GRIN2A: variants seen among roughly 807,000 people sequenced by gnomAD.
GRIN2A encodes the protein glutamate ionotropic receptor NMDA type subunit 2A, also known as glutamate receptor ionotropic, NMDA 2A.
Under a neutral mutation model 113.4 loss-of-function variants are expected in GRIN2A, and 22 were observed. The ratio of observed to expected loss-of-function variants is 0.19; its 90% CI spans 0.14 to 0.28. The LOEUF (loss-of-function observed/expected upper bound fraction) is 0.28, where lower values mean the gene tolerates loss of function less well. Ranked by LOEUF, GRIN2A falls within the 10% of genes least tolerant of loss-of-function variation. The pLI is 1.00. For synonymous variants in GRIN2A, 827 were observed against 738.4 expected (o/e 1.12, Z -1.94); for missense variants, 1,502 against 1,887.0 (o/e 0.80, Z 3.78).
rs760514539 is a variant in GRIN2A, at chr16:9,852,041, T to C, written c.1123-2080A>G. 4.3e-4 allele frequency among the ~76,000 whole-genome samples: 65 copies of C among 152,240 alleles called. 1 individual carries two copies. Among genetic ancestry groups the C allele is most frequent in the Non-Finnish European group, 8.8e-4 (60 of 68,036 alleles). On this transcript the variant is annotated intron_variant, in intron 4 of 12. Transcript: ENST00000330684. Reference sequence around the variant, plus strand: ...GTAGCATTTTATATTATAACCTCAATGACATAACTTTTGAGCACTCCTGTA... The same window carrying C: ...GTAGCATTTTATATTATAACCTCAACGACATAACTTTTGAGCACTCCTGTA...
At chr16:10,109,646 A>T (rs2048572339) in intron 2 of GRIN2A, among the ~76,000 whole-genome samples, 2 of 151,878 alleles carry the variant, frequency 1.3e-5, no homozygotes, top group South Asian at 2.1e-4. Flanking sequence ...AAAAAAAAAA[A>T]TAGGAAGAAT....
rs1050674263 is a variant in GRIN2A, at chr16:10,180,546, C to G, written c.-18-117G>C. ...GCATGGAACTCAGCAGCAGGATAGG[C>G]TGCTGGGATCACGGACTCCATTCCG... On this transcript the variant is annotated intron_variant, in intron 1 of 12. Coordinates refer to ENST00000330684, the MANE Select transcript of GRIN2A (RefSeq NM_001134407.3). The surrounding 1 kb of genome is among the most constrained non-coding windows in gnomAD (Gnocchi z 7.0). The G allele has an allele frequency of 2.8e-4, 414 of 1,502,142 alleles. No individual in the cohort carries two copies. Among genetic ancestry groups the G allele is most frequent in the Non-Finnish European group, 3.4e-4 (381 of 1,130,720 alleles). 93.1% of individuals were successfully genotyped at this position (1,502,142 alleles called of 1,614,324 possible). A position where few individuals can be genotyped will look rare whatever the true frequency, so the allele number is the denominator to read the frequency against.
chr16:10,072,831 C>T (rs1326849771), intron 2 of GRIN2A, among the ~76,000 whole-genome samples: 2 of 151,620 alleles, frequency 1.3e-5, no homozygotes, highest in Non-Finnish European at 2.9e-5. Context: ...GTTTGGGACA[C>T]TAGAGAATAG....
At chr16:10,024,122 T>A (rs1261694768) in intron 2 of GRIN2A, among the ~76,000 whole-genome samples, 1 of 152,224 alleles carries the variant, frequency 6.6e-6, no homozygotes, top group African/African-American at 2.4e-5. Flanking sequence ...AGGGCTCAAA[T>A]CGAGCCCATG....
At chr16:9,824,207 C>G (rs1231708395) in intron 9 of GRIN2A, among the ~76,000 whole-genome samples, 1 of 152,178 alleles carries the variant, frequency 6.6e-6, no homozygotes, top group Non-Finnish European at 1.5e-5. Flanking sequence ...CCAGGGTGTG[C>G]CTTGCCCTGG....
intron 2 of GRIN2A, among the ~76,000 whole-genome samples, chr16:10,062,386 C>T (rs186552527): frequency 8.7e-4 from 132 of 152,286 alleles, no homozygotes; most frequent in African/African-American, 2.9e-3. Context: ...CATGCCCTGA[C>T]CTATGTCACT....
intron 2 of GRIN2A, among the ~76,000 whole-genome samples, chr16:9,956,804 G>C (rs2045321966): frequency 1.3e-5 from 2 of 152,158 alleles, no homozygotes; most frequent in East Asian, 3.9e-4. Flanking sequence ...TGCTGGAGTA[G>C]GGGTTATCTA....
At chr16:9,990,705 G>C (rs138112406) in intron 2 of GRIN2A, among the ~76,000 whole-genome samples, 1 of 151,516 alleles carries the variant, frequency 6.6e-6, no homozygotes, top group African/African-American at 2.4e-5. Flanking sequence ...AAAAGGTCAA[G>C]AGCAGGAGAA....
rs545545484 is a variant in GRIN2A, at chr16:9,909,252, G to A, written c.1008-18152C>T. On this transcript the variant is annotated intron_variant, in intron 3 of 12. Transcript: ENST00000330684. ...CACAAGAAAAGCATGGGAAAAACCC[G>A]CCCCTATGATTCAATTACCTCCCAC... Among the ~76,000 whole-genome samples the A allele has an allele frequency of 1.9e-4, 29 of 152,202 alleles. No individual in the cohort carries two copies. In the South Asian group the frequency reaches 2.5e-3, roughly 13 times the overall value.
Position 9,763,156 on chromosome 16 carries a change from T to A in GRIN2A, c.4388A>T (p.Asp1463Val). The A allele has an allele frequency of 6.2e-7, 1 of 1,613,784 alleles. No individual in the cohort carries two copies. The highest frequency in any genetic ancestry group is 8.5e-7 in the Non-Finnish European group (1 of 1,179,676). Reference sequence around the variant, plus strand: ...AACATTAATGGAAGATTTTTAAACATCAGATTCGATACTAGGCATTTTCTT... The same window carrying A: ...AACATTAATGGAAGATTTTTAAACAACAGATTCGATACTAGGCATTTTCTT... ...VYKKMPSIES[D>V]V The change falls in exon 13 of 13, where the codon GAT becomes GTT. Residue 1463 changes from aspartate (D) to valine (V), a missense_variant. By Grantham distance (152) the Asp-to-Val change is radical. This residue lies in a region of GRIN2A where 832 missense variants were observed against 789.7 expected (regional missense o/e 1.05). Coordinates refer to ENST00000330684, the MANE Select transcript of GRIN2A (RefSeq NM_001134407.3).
intron 11 of GRIN2A, among the ~76,000 whole-genome samples, chr16:9,795,759 G>T (rs542704231): frequency 5.9e-5 from 9 of 152,142 alleles, no homozygotes; most frequent in Non-Finnish European, 8.8e-5. Flanking sequence ...TGAATAAACC[G>T]AGGCTAAAAA....
At chr16:9,887,649 A>G (rs2043610368) in intron 4 of GRIN2A, among the ~76,000 whole-genome samples, 1 of 152,210 alleles carries the variant, frequency 6.6e-6, no homozygotes, top group South Asian at 2.1e-4. Context: ...TTGTACAAGT[A>G]TTACTTTTTG....
At position 9,858,057 on chromosome 16, in the gene GRIN2A, C is replaced by CCTTTATTT. The variant is rs1376817369; in HGVS notation, c.1123-8104_1123-8097dup. On this transcript the variant is annotated intron_variant, in intron 4 of 12. Transcript: ENST00000330684. ...CCTAATTTAACGAATAGGCACGTGT[C>CCTTTATTT]CTTTATTTGGCAAATCAGTACACTG... 2.0e-5 allele frequency among the ~76,000 whole-genome samples: 3 copies of CCTTTATTT among 152,272 alleles called. No homozygotes were observed. The East Asian group carries it at 5.8e-4, about 29-fold the overall frequency.
intron 2 of GRIN2A, among the ~76,000 whole-genome samples, chr16:10,168,424 TG>T (rs1383312217): frequency 6.6e-6 from 1 of 152,122 alleles, no homozygotes; most frequent in Admixed American, 6.6e-5. Flanking sequence ...CACCAAGGCT[TG>T]GAGATCTTTT....
intron 2 of GRIN2A, among the ~76,000 whole-genome samples, chr16:10,124,660 A>G (rs1318223975): frequency 6.6e-6 from 1 of 152,168 alleles, no homozygotes; most frequent in African/African-American, 2.4e-5. Context: ...ATTGATAACT[A>G]GAGAGCTATC....
intron 3 of GRIN2A, among the ~76,000 whole-genome samples, chr16:9,901,781 C>A (rs1002968002): frequency 1.3e-5 from 2 of 152,152 alleles, no homozygotes; most frequent in African/African-American, 4.8e-5. Flanking sequence ...TTATATTAAT[C>A]AATTAAACAA....
At chr16:9,864,402 T>C (rs1475330320) in intron 4 of GRIN2A, among the ~76,000 whole-genome samples, 1 of 151,894 alleles carries the variant, frequency 6.6e-6, no homozygotes, top group Non-Finnish European at 1.5e-5. Flanking sequence ...AACATGACTA[T>C]AGATATGACT....
At chr16:9,784,753 A>G (rs1470041377) in intron 11 of GRIN2A, among the ~76,000 whole-genome samples, 4 of 152,172 alleles carry the variant, frequency 2.6e-5, no homozygotes, top group Non-Finnish European at 4.4e-5. Context: ...AGAAAAAAAC[A>G]AACAACCCCA....
intron 2 of GRIN2A, among the ~76,000 whole-genome samples, chr16:10,002,414 C>G (rs183949098): frequency 3.9e-5 from 6 of 152,164 alleles, no homozygotes; most frequent in Admixed American, 3.9e-4. Context: ...GGAGAGCTGA[C>G]CACAGATGGA....
Sources: allele counts gnomAD v4.1 joint callset (sites outside exome capture counted in the v4.1 genomes callset), GRCh38; gene constraint gnomAD v4.1.1; regional missense constraint gnomAD v4.1.1; non-coding constraint Gnocchi (gnomAD v3.1); transcripts MANE v1.5; gene names NCBI Gene and HGNC (gene_info 2026-07-23, HGNC 2026-07-21).